The following PTPRD variants were observed in gnomAD, a reference collection of about 807,000 sequenced individuals.
PTPRD encodes the protein receptor-type tyrosine-protein phosphatase delta.
A neutral mutation model predicts 214.5 loss-of-function variants in PTPRD; 34 were observed. The ratio of observed to expected loss-of-function variants is 0.16; its 90% CI spans 0.12 to 0.21. The LOEUF is 0.21. PTPRD is among the 10% of genes least tolerant of loss of function. The probability of loss-of-function intolerance (pLI) is 1.00; values close to 1 mark genes in which losing one functional copy is unlikely to be tolerated. For synonymous variants in PTPRD, 1,128 were observed against 845.7 expected (o/e 1.33, Z -5.79); for missense variants, 2,545 against 2,398.7 (o/e 1.06, Z -1.27).
At chr9:8,873,852 G>C (rs980493026) in intron 11 of PTPRD, among the ~76,000 whole-genome samples, 1 of 152,112 alleles carries the variant, frequency 6.6e-6, no homozygotes, top group African/African-American at 2.4e-5. Flanking sequence ...AGGCCATTGA[G>C]GGTAGACTCC....
At chr9:9,673,543 C>A (rs2096870655) in intron 7 of PTPRD, among the ~76,000 whole-genome samples, 1 of 150,476 alleles carries the variant, frequency 6.6e-6, no homozygotes, top group Non-Finnish European at 1.5e-5. Flanking sequence ...AAGAAATTAC[C>A]CAAAAAGAAA....
At chr9:10,135,957 T>C (rs1039729820) in intron 3 of PTPRD, among the ~76,000 whole-genome samples, 1 of 127,182 alleles carries the variant, frequency 7.9e-6, no homozygotes, top group African/African-American at 3.0e-5. Context: ...AAAAAAAAAA[T>C]AAGGCCCAAC....
chr9:10,248,528 A>T (rs1406521923), intron 3 of PTPRD, among the ~76,000 whole-genome samples: 1 of 144,164 alleles, frequency 6.9e-6, no homozygotes, highest in African/African-American at 2.6e-5. Context: ...AAAAAAAAAT[A>T]AAAAAAATAA....
rs182054382 is a variant in PTPRD, at chr9:8,395,856, A to G, written c.4211-6449T>C. Among the ~76,000 whole-genome samples the G allele has an allele frequency of 1.2e-3, 183 of 152,164 alleles. 1 individual carries two copies. Among genetic ancestry groups the G allele is most frequent in the African/African-American group, 4.3e-3 (179 of 41,506 alleles). On this transcript the variant is annotated intron_variant, in intron 36 of 45. Transcript: ENST00000381196. The stretch of plus-strand genomic sequence containing the variant: ...ACGGCTGATTGAACTATCTTTGAAT[A>G]CATTGCAAGATCAGCAACATGAGTT...
intron 6 of PTPRD, among the ~76,000 whole-genome samples, chr9:9,757,544 A>G (rs1214100687): frequency 6.6e-6 from 1 of 152,128 alleles, no homozygotes; most frequent in Non-Finnish European, 1.5e-5. Context: ...GGAAATTCAG[A>G]GCAATAATTT....
intron 11 of PTPRD, among the ~76,000 whole-genome samples, chr9:9,001,993 G>T (rs1240133438): frequency 1.3e-5 from 2 of 148,706 alleles, no homozygotes; most frequent in African/African-American, 2.5e-5. Context: ...GTGTGTGTTT[G>T]GGGGGTTGGT....
At chr9:10,443,976 G>C (rs1419722417) in intron 2 of PTPRD, among the ~76,000 whole-genome samples, 1 of 151,450 alleles carries the variant, frequency 6.6e-6, no homozygotes, top group Non-Finnish European at 1.5e-5. Context: ...AGGCCACACT[G>C]AGTGCTGATT....
intron 11 of PTPRD, among the ~76,000 whole-genome samples, chr9:8,839,362 G>C (rs554079189): frequency 5.3e-5 from 8 of 152,158 alleles, no homozygotes; most frequent in African/African-American, 1.4e-4. Context: ...GTCTCGCTCT[G>C]TCACCCAGGC....
intron 11 of PTPRD, among the ~76,000 whole-genome samples, chr9:8,975,974 T>A (rs949177264): frequency 6.6e-6 from 1 of 152,048 alleles, no homozygotes; most frequent in Non-Finnish European, 1.5e-5. Flanking sequence ...TCCCTCATAG[T>A]TGTACATTTA....
chr9:10,257,944 G>A (rs73641895), intron 3 of PTPRD, among the ~76,000 whole-genome samples: 7,275 of 152,260 alleles, frequency 0.048, 366 homozygotes, highest in East Asian at 0.14. Context: ...GAAGAAAGCG[G>A]GTGTGTGTTA....
intron 31 of PTPRD, among the ~76,000 whole-genome samples, chr9:8,469,337 G>C (rs10977132): frequency 2.0e-5 from 3 of 151,870 alleles, no homozygotes; most frequent in African/African-American, 7.3e-5. Flanking sequence ...AAGCTTATTA[G>C]TTAAAACTAT....
intron 10 of PTPRD, among the ~76,000 whole-genome samples, chr9:9,036,209 T>TA (rs34390768): frequency 0.47 from 66,441 of 141,024 alleles, 15,483 homozygotes; most frequent in African/African-American, 0.55. Flanking sequence ...TTCAGAAAAT[T>TA]AAAAAAAAAA....
chr9:9,674,286 G>A (rs2096887745), intron 7 of PTPRD, among the ~76,000 whole-genome samples: 1 of 151,636 alleles, frequency 6.6e-6, no homozygotes, highest in South Asian at 2.1e-4. Context: ...TTTAAACTTT[G>A]CAATGTATAT....
At chr9:9,503,427 C>G (rs1221758619) in intron 8 of PTPRD, among the ~76,000 whole-genome samples, 1 of 151,650 alleles carries the variant, frequency 6.6e-6, no homozygotes, top group Non-Finnish European at 1.5e-5. Context: ...TCACACTACA[C>G]ATGCCACACA....
intron 42 of PTPRD, among the ~76,000 whole-genome samples, chr9:8,340,084 G>A (rs951714919): frequency 6.6e-6 from 1 of 152,050 alleles, no homozygotes; most frequent in Non-Finnish European, 1.5e-5. Flanking sequence ...GTCAAACGGG[G>A]ACACCTGCTA....
intron 5 of PTPRD, among the ~76,000 whole-genome samples, chr9:9,833,923 A>G (rs1440429053): frequency 1.3e-5 from 2 of 152,114 alleles, no homozygotes; most frequent in Middle Eastern, 3.4e-3. Context: ...TCAAACACAC[A>G]TGCTGTATAA....
chr9:9,240,195 A>AT, intron 9 of PTPRD, among the ~76,000 whole-genome samples: 1 of 152,246 alleles, frequency 6.6e-6, no homozygotes, highest in East Asian at 1.9e-4. Context: ...TTTCAAAAAT[A>AT]TTTTTGGTAT....
intron 15 of PTPRD, among the ~76,000 whole-genome samples, chr9:8,527,753 G>C (rs542890322): frequency 1.3e-5 from 2 of 152,088 alleles, no homozygotes; most frequent in Non-Finnish European, 2.9e-5. Flanking sequence ...ATCTAAGAGA[G>C]CAAAGGCATA....
intron 39 of PTPRD, among the ~76,000 whole-genome samples, chr9:8,365,724 A>C (rs1046975849): frequency 3.6e-4 from 55 of 152,166 alleles, no homozygotes; most frequent in Admixed American, 1.2e-3. Flanking sequence ...TTTTAAACCA[A>C]GGAATGCAGC....
Sources: allele counts gnomAD v4.1 joint callset (sites outside exome capture counted in the v4.1 genomes callset), GRCh38; gene constraint gnomAD v4.1.1; transcripts MANE v1.5; gene names NCBI Gene and HGNC (gene_info 2026-07-23, HGNC 2026-07-21).